The following PLEKHA5 variants were observed in gnomAD, a reference collection of about 807,000 sequenced individuals.
The protein encoded by PLEKHA5 is pleckstrin homology domain containing A5, also known as pleckstrin homology domain-containing family A member 5.
Under a neutral mutation model 181.9 loss-of-function variants are expected in PLEKHA5, and 55 were observed. That is an observed-to-expected ratio of 0.30 (90% CI 0.24 to 0.38). PLEKHA5 has a LOEUF of 0.38. Ranked by LOEUF, PLEKHA5 falls within the 10% of genes least tolerant of loss-of-function variation. PLEKHA5 has a pLI of 1.00. For missense variants in PLEKHA5, 1,432 were observed against 1,549.5 expected, an observed-to-expected ratio of 0.92 and a Z score of 1.27; for synonymous variants, 535 against 529.4, an observed-to-expected ratio of 1.01 and a Z score of -0.15.
chr12:19,134,507 T>C (rs371427273), intron 3 of PLEKHA5, among the ~76,000 whole-genome samples: 2 of 152,244 alleles, frequency 1.3e-5, no homozygotes, highest in South Asian at 2.1e-4. Flanking sequence ...TTGATAAATA[T>C]ATGATGTACT....
intron 3 of PLEKHA5, among the ~76,000 whole-genome samples, chr12:19,198,839 T>C (rs1185380367): frequency 6.6e-6 from 1 of 152,190 alleles, no homozygotes; most frequent in Non-Finnish European, 1.5e-5. Context: ...GCAGGAATAG[T>C]TATCCCCATT....
intron 11 of PLEKHA5, among the ~76,000 whole-genome samples, chr12:19,282,952 T>A (rs1365170206): frequency 6.6e-6 from 1 of 151,912 alleles, no homozygotes. Flanking sequence ...TCCCAGCACT[T>A]TGGGAGGCCG....
At chr12:19,309,106 C>G (rs983318368) in intron 15 of PLEKHA5, among the ~76,000 whole-genome samples, 9 of 151,786 alleles carry the variant, frequency 5.9e-5, no homozygotes, top group Non-Finnish European at 8.8e-5. Context: ...ATTTTTTAAG[C>G]CTTGTAGCAA....
chr12:19,169,324 C>A (rs149007535), intron 3 of PLEKHA5, among the ~76,000 whole-genome samples: 5 of 151,918 alleles, frequency 3.3e-5, no homozygotes, highest in African/African-American at 1.2e-4. Context: ...GTTAGTGTTG[C>A]TTGCCTAGGT....
chr12:19,223,882 G>A (rs530899280), intron 3 of PLEKHA5, among the ~76,000 whole-genome samples: 1 of 152,198 alleles, frequency 6.6e-6, no homozygotes, highest in African/African-American at 2.4e-5. Flanking sequence ...AGGATAGCCA[G>A]GGATCTTGTT....
At chr12:19,319,892 C>T (rs1378480104) in intron 16 of PLEKHA5, 129 bp from the exon 17 acceptor site, 4 of 540,776 alleles carry the variant, frequency 7.4e-6, no homozygotes, top group Non-Finnish European at 1.3e-5. Flanking sequence ...ATGGAGTCAA[C>T]TAACACACAT....
chr12:19,156,638 C>T (rs1440354069), intron 3 of PLEKHA5, among the ~76,000 whole-genome samples: 1 of 151,842 alleles, frequency 6.6e-6, no homozygotes, highest in Non-Finnish European at 1.5e-5. Context: ...TTGGTATGAA[C>T]TCTGATAAGA....
chr12:19,362,704 G>A (rs1287559442), intron 29 of PLEKHA5, among the ~76,000 whole-genome samples: 1 of 151,942 alleles, frequency 6.6e-6, no homozygotes, highest in South Asian at 2.1e-4. Context: ...AGGCTGCAGT[G>A]AGCCATGATC....
At chr12:19,181,842 T>C (rs1460010076) in intron 3 of PLEKHA5, among the ~76,000 whole-genome samples, 1 of 152,134 alleles carries the variant, frequency 6.6e-6, no homozygotes, top group Admixed American at 6.5e-5. Flanking sequence ...TAATGGGTAA[T>C]GTCAAGGATG....
chr12:19,318,042 G>A (rs536238472), intron 16 of PLEKHA5, among the ~76,000 whole-genome samples: 9 of 149,160 alleles, frequency 6.0e-5, no homozygotes, highest in African/African-American at 2.2e-4. Context: ...TTTTTCGGTA[G>A]GGCCAGGGGT....
chr12:19,133,652 C>G (rs2034695935), intron 3 of PLEKHA5, among the ~76,000 whole-genome samples: 1 of 151,810 alleles, frequency 6.6e-6, no homozygotes, highest in Non-Finnish European at 1.5e-5. Context: ...GATAAAACGT[C>G]AAGGGCTTTT....
At chr12:19,146,262 T>C (rs1323011240) in intron 3 of PLEKHA5, among the ~76,000 whole-genome samples, 1 of 152,256 alleles carries the variant, frequency 6.6e-6, no homozygotes, top group Admixed American at 6.5e-5. Context: ...ATCTTCTTGT[T>C]TGAATTTACA....
chr12:19,210,452 T>C (rs2056679938), intron 3 of PLEKHA5, among the ~76,000 whole-genome samples: 1 of 152,016 alleles, frequency 6.6e-6, no homozygotes. Context: ...GGTGGAAGAG[T>C]TCTGGATTTT....
chr12:19,258,059 T>C (rs1176053088), intron 6 of PLEKHA5, among the ~76,000 whole-genome samples: 1 of 152,120 alleles, frequency 6.6e-6, no homozygotes. Flanking sequence ...TGGTTATTTA[T>C]TTTTTCTTTT....
intron 11 of PLEKHA5, among the ~76,000 whole-genome samples, chr12:19,279,736 A>G (rs1031024297): frequency 1.3e-5 from 2 of 151,948 alleles, no homozygotes; most frequent in Admixed American, 1.3e-4. Flanking sequence ...CCTGCCCCCA[A>G]TATTCTGAAA....
At chr12:19,176,252 AAAAT>A (rs939077943) in intron 3 of PLEKHA5, 17 of 116,406 alleles carry the variant, frequency 1.5e-4, no homozygotes, top group African/African-American at 1.7e-4. Flanking sequence ...TCTATTATTT[AAAAT>A]AAATAAAGTA....
rs568496508 is a variant in PLEKHA5, at chr12:19,325,976, C to T, written c.2448+3309C>T. 1.3e-4 allele frequency among the ~76,000 whole-genome samples: 19 copies of T among 151,922 alleles called. No individual in the cohort carries two copies. The South Asian group carries it at 3.3e-3, about 27-fold the overall frequency. Reference sequence around the variant, plus strand: ...AAGCCGAGATCACGCCATTGCACTCCGGCCTGGGCAACAAGAGTGAAACTC... The same window carrying T: ...AAGCCGAGATCACGCCATTGCACTCTGGCCTGGGCAACAAGAGTGAAACTC... On this transcript the variant is annotated intron_variant, in intron 20 of 31. Coordinates refer to ENST00000429027, the MANE Select transcript of PLEKHA5 (RefSeq NM_001256470.2).
At chr12:19,287,397 A>T in intron 12 of PLEKHA5, 76 bp from the exon 13 acceptor site, 1 of 822,340 alleles carries the variant, frequency 1.2e-6, no homozygotes, top group Non-Finnish European at 2.1e-6. Flanking sequence ...ATAGGAATTT[A>T]AGATTTCTCC....
intron 3 of PLEKHA5, among the ~76,000 whole-genome samples, chr12:19,217,906 T>A (rs547986741): frequency 5.3e-5 from 8 of 152,156 alleles, no homozygotes; most frequent in Non-Finnish European, 1.0e-4. Flanking sequence ...GTTAAATGGA[T>A]TACATTAAGT....
Sources: gnomAD v4.1 joint callset for allele counts (sites outside exome capture counted in the v4.1 genomes callset) on GRCh38, gnomAD v4.1.1 for gene constraint, MANE v1.5 for transcripts, NCBI Gene and HGNC (gene_info 2026-07-23, HGNC 2026-07-21) for gene names.